Variants in GABRR1 observed in about 807,000 individuals in gnomAD.
GABRR1 encodes the protein gamma-aminobutyric acid receptor subunit rho-1.
Under a neutral mutation model 55.5 loss-of-function variants are expected in GABRR1, and 59 were observed. The ratio of observed to expected loss-of-function variants is 1.06; its 90% CI spans 0.86 to 1.32. The LOEUF (loss-of-function observed/expected upper bound fraction) is 1.32. GABRR1 is among the 40% of genes most tolerant of loss of function. The pLI, the probability that GABRR1 is intolerant of heterozygous loss-of-function variation, is 0.00. For synonymous variants in GABRR1, 213 were observed against 226.0 expected, an observed-to-expected ratio of 0.94 and a Z score of 0.51; for missense variants, 602 against 619.1, an observed-to-expected ratio of 0.97 and a Z score of 0.29.
At chr6:89,225,328 T>C (rs1367716598) in intron 1 of GABRR1, among the ~76,000 whole-genome samples, 7 of 146,180 alleles carry the variant, frequency 4.8e-5, no homozygotes, top group African/African-American at 1.8e-4. Context: ...GTTAGTTACA[T>C]ATGTATACAT....
intron 1 of GABRR1, among the ~76,000 whole-genome samples, chr6:89,214,336 C>G (rs543351719): frequency 6.6e-6 from 1 of 150,640 alleles, no homozygotes; most frequent in Admixed American, 6.6e-5. Flanking sequence ...CAATATTGGT[C>G]TAGGCAGTGA....
At chr6:89,196,826 A>AAG (rs1562296518) in intron 5 of GABRR1, among the ~76,000 whole-genome samples, 6 of 65,740 alleles carry the variant, frequency 9.1e-5, no homozygotes, top group South Asian at 4.8e-4. Context: ...AAAGAAGGAA[A>AAG]GAAAGAAAGA....
chr6:89,186,485 C>T (rs887064400), intron 6 of GABRR1, among the ~76,000 whole-genome samples: 2 of 152,184 alleles, frequency 1.3e-5, no homozygotes, highest in African/African-American at 4.8e-5. Context: ...CCTGATGGCC[C>T]GCCCTGCAGA....
intron 1 of GABRR1, among the ~76,000 whole-genome samples, chr6:89,216,589 T>C (rs1377127026): frequency 1.3e-5 from 2 of 152,114 alleles, no homozygotes; most frequent in Non-Finnish European, 2.9e-5. Context: ...GTTTCCTGTG[T>C]AAGCTCCCTC....
chr6:89,181,960 C>A lies in GABRR1; in HGVS notation c.894G>T (p.Leu298=), dbSNP rs1283920214. 6.2e-7 allele frequency: 1 copy of A among 1,613,974 alleles called. No homozygotes were observed. Among genetic ancestry groups the A allele is most frequent in the African/African-American group, 1.3e-5 (1 of 74,900 alleles). The change falls in exon 8 of 10, where the codon CTG becomes CTT. Residue 298 remains leucine, a synonymous_variant. Coordinates refer to ENST00000454853, the MANE Select transcript of GABRR1 (RefSeq NM_002042.5). ...GGTCGATCCAGAAGGACACCCAGGA[C>A]AGCATGACCATCAGGGTAGCGGGGA... The part of the protein sequence containing the change: ...TYFPATLMVM[L]SWVSFWIDRR...
At chr6:89,215,425 G>A (rs929467332) in intron 1 of GABRR1, among the ~76,000 whole-genome samples, 1 of 152,158 alleles carries the variant, frequency 6.6e-6, no homozygotes, top group African/African-American at 2.4e-5. Context: ...AATGAAATAA[G>A]CCAAGCATCA....
chr6:89,201,229 C>A lies in GABRR1; in HGVS notation c.210G>T (p.Ser70=). ...GAAGCTGTTCTGACTTTGTCAGAGG[C>A]GATTTGGTGATGTCAGGACTTCGTC... ...ILRRSPDITK[S]PLTKSEQLLR... Residue 70 remains serine (S), a synonymous_variant, in exon 3 of 10, where the codon TCG becomes TCT. Transcript: ENST00000454853. The A allele has an allele frequency of 3.7e-6, 6 of 1,614,040 alleles. No individual in the cohort carries two copies. Among genetic ancestry groups the A allele is most frequent in the Non-Finnish European group, 5.1e-6 (6 of 1,179,962 alleles).
At chr6:89,208,321 T>G (rs1772715588) in intron 1 of GABRR1, among the ~76,000 whole-genome samples, 1 of 152,256 alleles carries the variant, frequency 6.6e-6, no homozygotes, top group South Asian at 2.1e-4. Context: ...CTGTAAATAT[T>G]AAATAGTTCA....
intron 2 of GABRR1, among the ~76,000 whole-genome samples, chr6:89,203,221 T>C (rs1268738141): frequency 6.6e-6 from 1 of 152,126 alleles, no homozygotes; most frequent in Non-Finnish European, 1.5e-5. Context: ...CCAGCTCCCA[T>C]TGCCGCGGAC....
chr6:89,216,408 T>A (rs555486350), intron 1 of GABRR1, among the ~76,000 whole-genome samples: 1 of 152,246 alleles, frequency 6.6e-6, no homozygotes, highest in Admixed American at 6.5e-5. Flanking sequence ...AACGCCCTAC[T>A]GTCTCCATTT....
At chr6:89,195,989 C>T (rs1449644371) in intron 5 of GABRR1, among the ~76,000 whole-genome samples, 1 of 152,176 alleles carries the variant, frequency 6.6e-6, no homozygotes, top group Non-Finnish European at 1.5e-5. Context: ...ATTATCATTA[C>T]ATTGTGAGTA....
intron 7 of GABRR1, among the ~76,000 whole-genome samples, chr6:89,184,835 G>GCTA (rs2127790836): frequency 6.6e-6 from 1 of 150,786 alleles, no homozygotes; most frequent in Non-Finnish European, 1.5e-5. Flanking sequence ...CCCACTGCTT[G>GCTA]CTACCCACTA....
Position 89,182,041 on chromosome 6 carries a change from GA to G in GABRR1, c.812del (p.Leu271ProfsTer24). 6.2e-7 allele frequency: 1 copy of G among 1,614,120 alleles called. No individual in the cohort carries two copies. The highest frequency in any genetic ancestry group is 8.5e-7 in the Non-Finnish European group (1 of 1,180,010). The part of the protein sequence containing the change: ...FYSSTGWYNR[L>X]YINFTLRRHI... ...GGCGACGCAACGTGAAATTAATGTA[GA>G]GACGGTTGTACCAGCCTGGGGGACA... is the stretch of plus-strand genomic sequence containing the variant. On this transcript the variant is annotated frameshift_variant, in exon 8 of 10. Transcript: ENST00000454853. LOFTEE classifies it high-confidence loss of function.
In GABRR1 at chr6:89,217,185, C is replaced by T; in HGVS notation, c.122+16G>A. 6.2e-7 allele frequency: 1 copy of T among 1,613,466 alleles called. No homozygotes were observed. Among genetic ancestry groups the T allele is most frequent in the South Asian group, 1.1e-5 (1 of 90,922 alleles). ...TCCTCTTTTCCTAAATCCTCTATCC[C>T]TAAATGTCCACTCACCTGCCTTTCT... On this transcript the variant is annotated intron_variant, in intron 1 of 9. Transcript: ENST00000454853.
chr6:89,218,271 A>C (rs1334174656), upstream of GABRR1, among the ~76,000 whole-genome samples: 3 of 152,192 alleles, frequency 2.0e-5, no homozygotes, highest in Admixed American at 1.3e-4. Context: ...TCTATAGCTG[A>C]AAAGCGGTTT....
In GABRR1 at chr6:89,190,156, T is replaced by C. The variant is rs1174232516; in HGVS notation, c.655+9A>G. The C allele has an allele frequency of 1.2e-6, 2 of 1,602,494 alleles. No homozygotes were observed. The highest frequency in any genetic ancestry group is 1.7e-5 in the Admixed American group (1 of 58,878). ...CTGTGTGCTGATGCCCGGGGACAAG[T>C]CTACTCACAGCTTTCAATTTCAAGA... On this transcript the variant is annotated intron_variant, in intron 6 of 9. Coordinates refer to ENST00000454853, the MANE Select transcript of GABRR1 (RefSeq NM_002042.5).
chr6:89,207,234 G>T (rs957247206), intron 1 of GABRR1, among the ~76,000 whole-genome samples: 21 of 151,584 alleles, frequency 1.4e-4, no homozygotes, highest in Non-Finnish European at 4.4e-5. Flanking sequence ...TCACTCTGTT[G>T]TCCAGGCTAC....
intron 5 of GABRR1, among the ~76,000 whole-genome samples, chr6:89,195,305 C>CA (rs1287664438): frequency 2.0e-5 from 3 of 151,370 alleles, no homozygotes; most frequent in Non-Finnish European, 4.4e-5. Flanking sequence ...TACTAAAATA[C>CA]AAAAAAAATT....
Position 89,214,859 on chromosome 6 carries a change from T to C in GABRR1, c.122+2342A>G, listed in dbSNP as rs996499876. On this transcript the variant is annotated intron_variant, in intron 1 of 9. Coordinates refer to ENST00000454853, the MANE Select transcript of GABRR1 (RefSeq NM_002042.5). ...GGGCAACATAGTGAGACCCTGTCTA[T>C]AGAAAAAAAAATTTTTTTAATTAGC... is the stretch of plus-strand genomic sequence containing the variant. Among the ~76,000 whole-genome samples, 7 of 152,108 alleles carry C rather than the reference T, an allele frequency of 4.6e-5. No individual in the cohort carries two copies. The South Asian group carries it at 1.0e-3, about 23-fold the overall frequency.
Sources: gnomAD v4.1 joint callset for allele counts (sites outside exome capture counted in the v4.1 genomes callset) on GRCh38, gnomAD v4.1.1 for gene constraint, MANE v1.5 for transcripts, NCBI Gene and HGNC (gene_info 2026-07-23, HGNC 2026-07-21) for gene names.